The following CDK5RAP2 variants were observed in gnomAD, a reference collection of about 807,000 sequenced individuals.
CDK5RAP2 encodes CDK5 regulatory subunit-associated protein 2.
In CDK5RAP2, 147 loss-of-function variants were observed where a neutral mutation model predicts 232.9. The observed-to-expected ratio is 0.63, with a 90% CI of 0.55 to 0.72. CDK5RAP2 has a LOEUF of 0.72. Among genes scored for constraint, CDK5RAP2 ranks in the 30% least tolerant of loss-of-function variants. The pLI is 0.00. For missense variants in CDK5RAP2, 2,195 were observed against 2,231.5 expected (o/e 0.98, Z 0.33); for synonymous variants, 833 against 833.7 (o/e 1.00, Z 0.01).
chr9:120,401,610 C>A (rs1209367968), intron 34 of CDK5RAP2, among the ~76,000 whole-genome samples: 476 of 61,342 alleles, frequency 7.8e-3, no homozygotes, highest in South Asian at 0.017. Flanking sequence ...GACCCTGTCT[C>A]AAAAAAAAAA....
In CDK5RAP2 at chr9:120,485,545, G is replaced by A. The variant is rs113876804; in HGVS notation, c.1626+1749C>T. On this transcript the variant is annotated intron_variant, in intron 14 of 37. Coordinates refer to ENST00000349780, the MANE Select transcript of CDK5RAP2 (RefSeq NM_018249.6). ...CTTGACCTTGTGATCCACCTGCCTC[G>A]GCCTCCCAAAGTGCTGGGATTACAG... is the stretch of plus-strand genomic sequence containing the variant. 3.1e-3 allele frequency among the ~76,000 whole-genome samples: 472 copies of A among 152,062 alleles called. 5 individuals are homozygous for A. The highest frequency in any genetic ancestry group is 0.01 in the African/African-American group (424 of 41,504).
rs560489611 is a variant in CDK5RAP2 at position 120,469,069 on chromosome 9, T to C, written c.1968+1042A>G. On this transcript the variant is annotated intron_variant, in intron 17 of 37. Coordinates refer to ENST00000349780, the MANE Select transcript of CDK5RAP2 (RefSeq NM_018249.6). ...CCCCAGTAGGCACTAGCAGCAGCTA[T>C]TATCATCTCTATTTTCTTCATCTTT... is the stretch of plus-strand genomic sequence containing the variant. Among the ~76,000 whole-genome samples the C allele has an allele frequency of 2.0e-5, 3 of 152,252 alleles. No homozygotes were observed. In the East Asian group the frequency reaches 5.8e-4, roughly 29 times the overall value.
chr9:120,483,301 C>T (rs1453711931), intron 14 of CDK5RAP2, among the ~76,000 whole-genome samples: 2 of 152,240 alleles, frequency 1.3e-5, no homozygotes, highest in Non-Finnish European at 2.9e-5. Flanking sequence ...CCTTTGTGAG[C>T]CAGGCCCTCG....
At chr9:120,459,415 AGCC>A (rs1458477545) in intron 19 of CDK5RAP2, among the ~76,000 whole-genome samples, 2 of 152,304 alleles carry the variant, frequency 1.3e-5, no homozygotes, top group African/African-American at 2.4e-5. Context: ...TATACACACT[AGCC>A]ATCACCCCCA....
chr9:120,509,094 G>C (rs1015744396), intron 12 of CDK5RAP2, among the ~76,000 whole-genome samples: 1 of 152,212 alleles, frequency 6.6e-6, no homozygotes, highest in African/African-American at 2.4e-5. Flanking sequence ...ATGAGCCACT[G>C]AGATTCTCCA....
chr9:120,497,823 G>A lies in CDK5RAP2; in HGVS notation c.1312-6346C>T, dbSNP rs536390590. On this transcript the variant is annotated intron_variant, in intron 12 of 37. Transcript: ENST00000349780. ...AAAAGAGTCTTGGAACATGTCCGGG[G>A]TTCAGGGTCTAAAACCCCTGTGGCC... 1.8e-3 allele frequency among the ~76,000 whole-genome samples: 281 copies of A among 152,274 alleles called. 1 individual carries two copies. The highest frequency in any genetic ancestry group is 6.2e-3 in the African/African-American group (258 of 41,558).
chr9:120,499,650 A>G (rs2039482923), intron 12 of CDK5RAP2, among the ~76,000 whole-genome samples: 1 of 152,182 alleles, frequency 6.6e-6, no homozygotes, highest in Admixed American at 6.5e-5. Context: ...ATGAATTATA[A>G]ATGGCAGTAA....
At chr9:120,484,303 G>A (rs1330958264) in intron 14 of CDK5RAP2, among the ~76,000 whole-genome samples, 7 of 152,200 alleles carry the variant, frequency 4.6e-5, no homozygotes, top group East Asian at 1.9e-4. Context: ...TCTTGGGGCC[G>A]GGGGAGTCGG....
At chr9:120,545,557 C>T (rs1413803412) in intron 5 of CDK5RAP2, among the ~76,000 whole-genome samples, 157 bp downstream of exon 5, 4 of 152,164 alleles carry the variant, frequency 2.6e-5, no homozygotes, top group East Asian at 1.9e-4. Flanking sequence ...ATCTTAAAAG[C>T]TTGTTGAAAA....
chr9:120,411,214 G>T, intron 29 of CDK5RAP2, 144 bp downstream of exon 29: 1 of 712,218 alleles, frequency 1.4e-6, no homozygotes. Context: ...ACCTCACAGG[G>T]CTGCTGTGAC....
chr9:120,453,872 G>C lies in CDK5RAP2; in HGVS notation c.2377C>G (p.Pro793Ala). 6.2e-7 allele frequency: 1 copy of C among 1,614,138 alleles called. No homozygotes were observed. The highest frequency in any genetic ancestry group is 8.5e-7 in the Non-Finnish European group (1 of 1,180,006). ...EKATLLLESR[P>A]DLLKVVRELL... ...TCCCGTACCACTTTCAGAAGGTCTG[G>C]CCTGTTTTTCCAAAAGGGAAGGAAG... The change falls in exon 21 of 38, where the codon CCA becomes GCA. Residue 793 changes from proline to alanine, a missense_variant and splice_region_variant. Physicochemically the swap from Pro to Ala is conservative, Grantham distance 27. Transcript: ENST00000349780.
intron 12 of CDK5RAP2, among the ~76,000 whole-genome samples, chr9:120,518,055 C>CA (rs572269646): frequency 4.3e-4 from 65 of 151,528 alleles, no homozygotes; most frequent in Non-Finnish European, 3.8e-4. Flanking sequence ...TATGCTGGCA[C>CA]AAAAAAAATT....
At chr9:120,488,594 G>T (rs778365982) in intron 13 of CDK5RAP2, among the ~76,000 whole-genome samples, 7 of 152,082 alleles carry the variant, frequency 4.6e-5, no homozygotes, top group Non-Finnish European at 1.0e-4. Context: ...TTCTTACATG[G>T]CTTGGTTTCT....
chr9:120,511,938 A>G (rs777319043), intron 12 of CDK5RAP2, among the ~76,000 whole-genome samples: 12 of 152,106 alleles, frequency 7.9e-5, no homozygotes, highest in Middle Eastern at 6.8e-3. Flanking sequence ...GGATTTCACC[A>G]TGTCGACCAG....
chr9:120,520,831 A>G (rs2040608737), intron 11 of CDK5RAP2, among the ~76,000 whole-genome samples: 1 of 150,372 alleles, frequency 6.7e-6, no homozygotes, highest in Non-Finnish European at 1.5e-5. Flanking sequence ...TATATCTCAT[A>G]TGAGCTGTAT....
intron 3 of CDK5RAP2, among the ~76,000 whole-genome samples, chr9:120,566,375 A>T (rs1161880983): frequency 6.6e-6 from 1 of 152,230 alleles, no homozygotes; most frequent in East Asian, 1.9e-4. Flanking sequence ...AAAACCTAAC[A>T]GCAACCAAAG....
intron 25 of CDK5RAP2, among the ~76,000 whole-genome samples, chr9:120,424,893 C>G (rs1383892984): frequency 6.6e-6 from 1 of 151,952 alleles, no homozygotes; most frequent in Admixed American, 6.6e-5. Flanking sequence ...GTAGAGTATT[C>G]ACTGTGCTGG....
intron 36 of CDK5RAP2, among the ~76,000 whole-genome samples, chr9:120,390,592 C>T (rs1478021860): frequency 6.6e-6 from 1 of 152,242 alleles, no homozygotes; most frequent in African/African-American, 2.4e-5. Context: ...TTGTCCAACA[C>T]AAACTCCAGC....
At chr9:120,404,448 T>C (rs1010496676) in intron 32 of CDK5RAP2, among the ~76,000 whole-genome samples, 1 of 152,248 alleles carries the variant, frequency 6.6e-6, no homozygotes, top group Non-Finnish European at 1.5e-5. Flanking sequence ...CAAAGGCTAA[T>C]ACCCGTTTTA....
Sources: allele counts gnomAD v4.1 joint callset (sites outside exome capture counted in the v4.1 genomes callset), GRCh38; gene constraint gnomAD v4.1.1; transcripts MANE v1.5; gene names NCBI Gene and HGNC (gene_info 2026-07-23, HGNC 2026-07-21).